WDFY4: variants seen among roughly 807,000 people sequenced by gnomAD.
WDFY4 encodes the protein WDFY family member 4.
A neutral mutation model predicts 351.9 loss-of-function variants in WDFY4; 169 were observed. The observed-to-expected ratio is 0.48, with a 90% CI of 0.42 to 0.55. The LOEUF (loss-of-function observed/expected upper bound fraction) is 0.55. WDFY4 is among the 20% of genes least tolerant of loss of function. The probability of loss-of-function intolerance (pLI) is 0.00; values close to 1 mark genes in which losing one functional copy is unlikely to be tolerated. For synonymous variants in WDFY4, 1,622 were observed against 1,574.6 expected (o/e 1.03, Z -0.71); for missense variants, 3,803 against 3,935.6 (o/e 0.97, Z 0.90).
chr10:48,748,369 G>T, intron 12 of WDFY4, among the ~76,000 whole-genome samples: 1 of 152,162 alleles, frequency 6.6e-6, no homozygotes, highest in East Asian at 1.9e-4. Context: ...CATGGCCAAA[G>T]GTCACACATT....
intron 2 of WDFY4, among the ~76,000 whole-genome samples, chr10:48,716,302 C>T (rs2063908676): frequency 6.6e-6 from 1 of 152,200 alleles, no homozygotes; most frequent in Non-Finnish European, 1.5e-5. Flanking sequence ...GGTTTTTCCT[C>T]TCATCTCCCC....
chr10:48,690,990 A>T (rs770098851), intron 1 of WDFY4, among the ~76,000 whole-genome samples: 14 of 152,070 alleles, frequency 9.2e-5, no homozygotes, highest in Non-Finnish European at 1.9e-4. Flanking sequence ...CCAGGAGCCT[A>T]TCTGCCCCCT....
chr10:48,837,128 A>G (rs1189051961), intron 39 of WDFY4, among the ~76,000 whole-genome samples: 7 of 152,032 alleles, frequency 4.6e-5, no homozygotes, highest in Non-Finnish European at 5.9e-5. Flanking sequence ...AATGTGTGTC[A>G]TCATCTGTTT....
At chr10:48,826,554 T>C in intron 35 of WDFY4, 117 bp from the exon 36 acceptor site, 1 of 707,574 alleles carries the variant, frequency 1.4e-6, no homozygotes, top group Non-Finnish European at 2.4e-6. Flanking sequence ...TAAATTACTT[T>C]GGGCGGTAAG....
At chr10:48,907,616 C>A (rs1344328588) in intron 47 of WDFY4, among the ~76,000 whole-genome samples, 2 of 152,030 alleles carry the variant, frequency 1.3e-5, no homozygotes, top group African/African-American at 4.8e-5. Flanking sequence ...AGAATATGAC[C>A]TTCCATGTTA....
intron 32 of WDFY4, among the ~76,000 whole-genome samples, chr10:48,819,097 C>T (rs1327410040): frequency 1.3e-5 from 2 of 152,232 alleles, no homozygotes; most frequent in African/African-American, 2.4e-5. Flanking sequence ...ACACTCTGAC[C>T]CAGGGCTCCT....
At chr10:48,884,598 T>C (rs1033392742) in intron 43 of WDFY4, among the ~76,000 whole-genome samples, 4 of 151,910 alleles carry the variant, frequency 2.6e-5, no homozygotes, top group African/African-American at 9.7e-5. Context: ...TGCATACACA[T>C]ACACATGTGT....
Position 48,796,903 on chromosome 10 carries a change from A to G in WDFY4, c.4410+453A>G, listed in dbSNP as rs149221997. Among the ~76,000 whole-genome samples the G allele has an allele frequency of 9.1e-4, 138 of 152,286 alleles. 1 individual carries two copies. The highest frequency in any genetic ancestry group is 2.4e-3 in the African/African-American group (99 of 41,558). On this transcript the variant is annotated intron_variant, in intron 24 of 61. Coordinates refer to ENST00000325239, the MANE Select transcript of WDFY4 (RefSeq NM_001394531.1). Reference sequence around the variant, plus strand: ...CACGCCTGAGGCTGAGGAGCATCGCACACAACTGCTGTGGGTGGATCAACC... The same window carrying G: ...CACGCCTGAGGCTGAGGAGCATCGCGCACAACTGCTGTGGGTGGATCAACC...
At chr10:48,946,748 C>A in intron 50 of WDFY4, 112 bp from the exon 51 acceptor site, 1 of 788,394 alleles carries the variant, frequency 1.3e-6, no homozygotes, top group Non-Finnish European at 2.1e-6. Context: ...ACTTCCTAAA[C>A]GTCAATGAAT....
At chr10:48,946,389 A>T (rs1841044979) in intron 50 of WDFY4, among the ~76,000 whole-genome samples, 1 of 152,256 alleles carries the variant, frequency 6.6e-6, no homozygotes, top group African/African-American at 2.4e-5. Flanking sequence ...AGCCCAGGGG[A>T]TTCTAACATG....
intron 24 of WDFY4, among the ~76,000 whole-genome samples, chr10:48,800,700 T>TTCTTTC (rs752311836): frequency 7.2e-6 from 1 of 139,342 alleles, no homozygotes; most frequent in African/African-American, 2.8e-5. Flanking sequence ...CTTTCTTTCT[T>TTCTTTC]TCTTTCTTTC....
intron 40 of WDFY4, among the ~76,000 whole-genome samples, chr10:48,867,774 T>A (rs996076846): frequency 6.6e-6 from 1 of 152,254 alleles, no homozygotes; most frequent in South Asian, 2.1e-4. Context: ...GCTAAGAAGT[T>A]TATTTTTATT....
At chr10:48,911,013 T>C (rs936483384) in intron 47 of WDFY4, 1 of 516,496 alleles carries the variant, frequency 1.9e-6, no homozygotes, top group Non-Finnish European at 2.5e-6. Context: ...AAAGTCATCA[T>C]GTAGCTATCC....
At chr10:48,936,612 TG>T (rs1840377873) in intron 47 of WDFY4, among the ~76,000 whole-genome samples, 4 of 150,684 alleles carry the variant, frequency 2.7e-5, no homozygotes, top group Non-Finnish European at 4.4e-5. Flanking sequence ...CCGAAGAGGG[TG>T]GATCACAAGG....
At chr10:48,894,674 G>A (rs994206941) in intron 44 of WDFY4, among the ~76,000 whole-genome samples, 12 of 152,370 alleles carry the variant, frequency 7.9e-5, no homozygotes, top group Middle Eastern at 3.4e-3. Flanking sequence ...AAAGACCTGC[G>A]CCTTGTAGGG....
intron 5 of WDFY4, 37 bp from the exon 6 acceptor site, chr10:48,725,844 C>G (rs1157696097): frequency 6.6e-7 from 1 of 1,511,724 alleles, no homozygotes; most frequent in African/African-American, 1.4e-5. Flanking sequence ...GACTTCCTAA[C>G]CAGGTCTCCT....
At chr10:48,690,639 G>A (rs972438956) in intron 1 of WDFY4, among the ~76,000 whole-genome samples, 5 of 152,124 alleles carry the variant, frequency 3.3e-5, no homozygotes, top group Admixed American at 6.5e-5. Context: ...TTGTCCCTAC[G>A]TCTGCAGCTC....
intron 37 of WDFY4, 27 bp downstream of exon 37, chr10:48,828,923 T>TGTGTGGGGGG (rs763409844): frequency 2.0e-4 from 1 of 4,966 alleles, no homozygotes; most frequent in African/African-American, 1.5e-3. Flanking sequence ...ATTGTGTGTG[T>TGTGTGGGGGG]GGGCGGGGGG....
chr10:48,951,803 T>G (rs1230372726), intron 51 of WDFY4, among the ~76,000 whole-genome samples: 1 of 152,018 alleles, frequency 6.6e-6, no homozygotes, highest in African/African-American at 2.4e-5. Context: ...CTGTTTCTGC[T>G]CCAGTAAAAG....
Sources: gnomAD v4.1 joint callset for allele counts (sites outside exome capture counted in the v4.1 genomes callset) on GRCh38, gnomAD v4.1.1 for gene constraint, MANE v1.5 for transcripts, NCBI Gene and HGNC (gene_info 2026-07-23, HGNC 2026-07-21) for gene names.